Variants in TMEM209 observed in about 807,000 individuals in gnomAD.
TMEM209 encodes transmembrane protein 209, also known as testicular tissue protein Li 202.
A neutral mutation model predicts 76.2 loss-of-function variants in TMEM209; 65 were observed. The observed-to-expected ratio is 0.85, with a 90% CI of 0.70 to 1.05. TMEM209 has a LOEUF of 1.05. TMEM209 is among the 50% of genes least tolerant of loss of function. TMEM209 has a pLI of 0.00. For missense variants in TMEM209, 623 were observed against 685.5 expected, an observed-to-expected ratio of 0.91 and a Z score of 1.02; for synonymous variants, 239 against 237.6, an observed-to-expected ratio of 1.01 and a Z score of -0.06.
chr7:130,185,271 T>C lies in TMEM209; in HGVS notation c.872A>G (p.Tyr291Cys), dbSNP rs752882256. ...GGCCTGAGACCTACAGGCAAGCTGA[T>C]ACTGAAACTTCTTTAAAGTTTGTGC... ...DYAQTLKKFQ[Y>C]QLACRSQAPC... is the part of the protein sequence containing the mutation. The change falls in exon 7 of 15, where the codon TAT becomes TGT. Residue 291 changes from tyrosine to cysteine, a missense_variant. By Grantham distance (194) the Tyr-to-Cys change is radical. Transcript: ENST00000397622. 9.9e-6 allele frequency: 16 copies of C among 1,614,042 alleles called. No homozygotes were observed. In the South Asian group the frequency reaches 1.6e-4, roughly 17 times the overall value.
At chr7:130,184,326 C>A in intron 7 of TMEM209, 71 bp from the exon 8 acceptor site, 2 of 1,121,144 alleles carry the variant, frequency 1.8e-6, no homozygotes, top group South Asian at 3.1e-5. Context: ...ATTCTTTCTC[C>A]CATCCTAAAA....
At chr7:130,194,031 T>C (rs907037594) in intron 5 of TMEM209, among the ~76,000 whole-genome samples, 3 of 151,898 alleles carry the variant, frequency 2.0e-5, no homozygotes, top group African/African-American at 7.2e-5. Context: ...ACCCCGTCTC[T>C]ACTAAAAGTA....
In TMEM209 at chr7:130,201,955, G is replaced by A. The variant is rs865845687; in HGVS notation, c.468C>T (p.Thr156=). Residue 156 remains threonine (T), a synonymous_variant, in exon 5 of 15, where the codon ACC becomes ACT. Coordinates refer to ENST00000397622, the MANE Select transcript of TMEM209 (RefSeq NM_032842.4). ...GAGGGCTGTAACCAGTCATACAGCT[G>A]GTGGTGAACTTGGGACTGGTACTGG... ...RSPSTSPKFT[T]SCMTGYSPQL... 6.2e-7 allele frequency: 1 copy of A among 1,613,908 alleles called. No homozygotes were observed. The highest frequency in any genetic ancestry group is 8.5e-7 in the Non-Finnish European group (1 of 1,179,872).
At chr7:130,205,263 C>T (rs1444673547) in intron 1 of TMEM209, 110 bp downstream of exon 1, 2 of 1,610,676 alleles carry the variant, frequency 1.2e-6, no homozygotes, top group Non-Finnish European at 1.7e-6. Flanking sequence ...AGGCGGAACG[C>T]CTAGCCACAT....
At chr7:130,173,573 A>G (rs1797142134) in intron 13 of TMEM209, 59 bp downstream of exon 13, 1 of 1,302,152 alleles carries the variant, frequency 7.7e-7, no homozygotes, top group Non-Finnish European at 1.1e-6. Context: ...TTTTAAAAAC[A>G]TCATCCAAGC....
chr7:130,191,331 C>T (rs1797789779), intron 6 of TMEM209, among the ~76,000 whole-genome samples: 1 of 150,818 alleles, frequency 6.6e-6, no homozygotes, highest in Non-Finnish European at 1.5e-5. Context: ...GACAGAATTG[C>T]AAGAAAACAT....
At chr7:130,183,269 A>T (rs1303240011) in intron 8 of TMEM209, among the ~76,000 whole-genome samples, 2 of 152,160 alleles carry the variant, frequency 1.3e-5, no homozygotes, top group Non-Finnish European at 1.5e-5. Context: ...CAAATGGTAC[A>T]AAAGAGTACA....
At chr7:130,180,588 T>G (rs767661430) in intron 9 of TMEM209, among the ~76,000 whole-genome samples, 1 of 152,078 alleles carries the variant, frequency 6.6e-6, no homozygotes, top group Non-Finnish European at 1.5e-5. Flanking sequence ...AGGCTGGTAT[T>G]GAACTCCTGA....
Position 130,166,347 on chromosome 7 carries a change from C to A in TMEM209, c.*104G>T, listed in dbSNP as rs1412818233. The A allele has an allele frequency of 7.1e-6, 6 of 850,420 alleles. No homozygotes were observed. The highest frequency in any genetic ancestry group is 1.7e-5 in the African/African-American group (1 of 57,180). 52.7% of individuals were successfully genotyped at this position (850,420 alleles called of 1,614,324 possible). On this transcript the variant is annotated 3_prime_UTR_variant, in exon 15 of 15. Coordinates refer to ENST00000397622, the MANE Select transcript of TMEM209 (RefSeq NM_032842.4). ...AAATCTAAAGAGTCTGTAACATACA[C>A]CCATGTGTATTTTATTTCAGAAGAG...
intron 6 of TMEM209, among the ~76,000 whole-genome samples, chr7:130,186,544 A>G (rs541967144): frequency 4.6e-5 from 7 of 152,374 alleles, no homozygotes; most frequent in South Asian, 2.1e-4. Context: ...AAGTAAAAAC[A>G]TGGTCATAAC....
intron 6 of TMEM209, among the ~76,000 whole-genome samples, chr7:130,186,965 G>C (rs1259777504): frequency 6.6e-6 from 1 of 152,190 alleles, no homozygotes; most frequent in Non-Finnish European, 1.5e-5. Flanking sequence ...CTTTAGGCCA[G>C]TGCGCGGTGG....
chr7:130,181,744 T>C (rs1019410879), intron 8 of TMEM209, 25 bp from the exon 9 acceptor site: 2 of 1,566,688 alleles, frequency 1.3e-6, no homozygotes, highest in Non-Finnish European at 1.7e-6. Context: ...GTACAGATTT[T>C]GGATACATAA....
intron 8 of TMEM209, among the ~76,000 whole-genome samples, chr7:130,183,914 G>A (rs989864228): frequency 3.9e-5 from 6 of 152,042 alleles, no homozygotes; most frequent in Admixed American, 3.3e-4. Flanking sequence ...ATAAAACTGA[G>A]AACTGAAAAG....
chr7:130,185,101 T>A (rs1797550863), intron 7 of TMEM209, 91 bp downstream of exon 7: 2 of 1,390,818 alleles, frequency 1.4e-6, no homozygotes, highest in African/African-American at 1.4e-5. Flanking sequence ...TCCAACAGAA[T>A]GGAAGATTAC....
chr7:130,196,890 A>T (rs1212568911), intron 5 of TMEM209, among the ~76,000 whole-genome samples: 2 of 152,200 alleles, frequency 1.3e-5, no homozygotes, highest in Non-Finnish European at 2.9e-5. Context: ...ATCATTATGC[A>T]AATATTCTAA....
intron 5 of TMEM209, 76 bp from the exon 6 acceptor site, chr7:130,192,899 A>T: frequency 1.4e-6 from 2 of 1,427,652 alleles, no homozygotes; most frequent in Non-Finnish European, 1.9e-6. Context: ...GACTTAAGTA[A>T]AACACCTAGT....
intron 1 of TMEM209, chr7:130,205,153 C>G (rs1798399775): frequency 2.7e-6 from 4 of 1,462,462 alleles, no homozygotes; most frequent in African/African-American, 1.4e-5. Flanking sequence ...TCGCGCCACT[C>G]AGCCCCCGCG....
intron 5 of TMEM209, among the ~76,000 whole-genome samples, chr7:130,200,728 CTT>C (rs746968145): frequency 5.3e-5 from 8 of 152,016 alleles, no homozygotes; most frequent in Non-Finnish European, 1.0e-4. Context: ...TACATATATA[CTT>C]TCTCATAAAA....
At chr7:130,184,641 C>T (rs2633378) in intron 7 of TMEM209, among the ~76,000 whole-genome samples, 37,175 of 151,800 alleles carry the variant, frequency 0.24, 5,312 homozygotes, top group East Asian at 0.59. Flanking sequence ...CACAGGCACA[C>T]GCCACCATGC....
Sources: allele counts gnomAD v4.1 joint callset (sites outside exome capture counted in the v4.1 genomes callset), GRCh38; gene constraint gnomAD v4.1.1; transcripts MANE v1.5; gene names NCBI Gene and HGNC (gene_info 2026-07-23, HGNC 2026-07-21).